The following COP1 variants were observed in gnomAD, a reference collection of about 807,000 sequenced individuals.
COP1 encodes the protein E3 ubiquitin-protein ligase COP1.
In COP1, 24 loss-of-function variants were observed where a neutral mutation model predicts 101.3. The observed-to-expected ratio is 0.24, with a 90% CI of 0.17 to 0.33. The LOEUF is 0.33. COP1 is among the 10% of genes least tolerant of loss of function. The pLI is 1.00. For missense variants in COP1, 663 were observed against 906.2 expected (o/e 0.73, Z 3.45); for synonymous variants, 347 against 341.9 (o/e 1.01, Z -0.17).
Position 176,043,723 on chromosome 1 carries a change from G to T in COP1, c.1517C>A (p.Ser506Ter). ...ILWDGFTGQR[S>*]KVYQEHEKRC... is the part of the protein sequence containing the mutation. ...ACCCTTATTTACCTGATAGACCTTT[G>T]ACCTCTGTCCTGTGAATCCATCCCA... The change falls in exon 13 of 20, where the codon TCA becomes TAA. Residue 506 changes from serine (S) to a stop codon, truncating the protein, a stop_gained. Transcript: ENST00000367669. LOFTEE classifies it high-confidence loss of function. 6.3e-7 allele frequency: 1 copy of T among 1,588,768 alleles called. No individual in the cohort carries two copies. The highest frequency in any genetic ancestry group is 1.1e-5 in the South Asian group (1 of 90,482).
chr1:176,119,069 A>T lies in COP1; in HGVS notation c.969-2388T>A, dbSNP rs1686676195. Among the ~76,000 whole-genome samples, 2 of 152,234 alleles carry T rather than the reference A, an allele frequency of 1.3e-5. 1 individual carries two copies. The highest frequency in any genetic ancestry group is 4.1e-4 in the South Asian group (2 of 4,834). On this transcript the variant is annotated intron_variant, in intron 8 of 19. Coordinates refer to ENST00000367669, the MANE Select transcript of COP1 (RefSeq NM_022457.7). ...GAACTTAACCATATAAAGAATTCAA[A>T]TGTTCTTGTCATGAGTTTATTCTGA...
chr1:176,126,583 A>C (rs1162199512), intron 8 of COP1, among the ~76,000 whole-genome samples: 1 of 151,964 alleles, frequency 6.6e-6, no homozygotes, highest in Non-Finnish European at 1.5e-5. Flanking sequence ...CAGCCTCCCG[A>C]GTAGCTGGGA....
intron 6 of COP1, among the ~76,000 whole-genome samples, chr1:176,141,536 C>T (rs1028140556): frequency 8.6e-5 from 13 of 151,840 alleles, no homozygotes; most frequent in African/African-American, 2.9e-4. Flanking sequence ...AGCAGCAAAA[C>T]TTAATATATG....
chr1:176,089,327 A>AAC (rs1558085392), intron 9 of COP1, among the ~76,000 whole-genome samples: 1 of 151,760 alleles, frequency 6.6e-6, no homozygotes, highest in African/African-American at 2.4e-5. Flanking sequence ...CAACAACAAC[A>AAC]ATCTATTTAA....
In COP1 at chr1:176,007,022, G is replaced by A. The variant is rs61357492; in HGVS notation, c.1730-17543C>T. ...AGATTTGGTCTTTTCACATAGTCCC[G>A]TATTTCTTGGAGGCTTTGCTCATTT... On this transcript the variant is annotated intron_variant, in intron 15 of 19. Transcript: ENST00000367669. Among the ~76,000 whole-genome samples the A allele has an allele frequency of 8.4e-3, 1,282 of 151,968 alleles. 28 individuals carry two copies. Among genetic ancestry groups the A allele is most frequent in the African/African-American group, 0.029 (1,200 of 41,346 alleles).
chr1:176,056,328 T>C lies in COP1; in HGVS notation c.1278-10004A>G, dbSNP rs1306903391. On this transcript the variant is annotated intron_variant, in intron 11 of 19. Coordinates refer to ENST00000367669, the MANE Select transcript of COP1 (RefSeq NM_022457.7). ...GTTATTTAGGGCTTCTACAGTTTTA[T>C]TAACATTTATTTTTTGTGCACTTAA... 3.3e-5 allele frequency among the ~76,000 whole-genome samples: 5 copies of C among 152,342 alleles called. No individual in the cohort carries two copies. The South Asian group carries it at 6.2e-4, about 19-fold the overall frequency.
intron 1 of COP1, among the ~76,000 whole-genome samples, chr1:176,190,973 T>C (rs886480207): frequency 6.6e-6 from 1 of 151,986 alleles, no homozygotes; most frequent in Non-Finnish European, 1.5e-5. Flanking sequence ...TCTAGAGTCA[T>C]TTAGAAAAAC....
chr1:176,095,050 A>G (rs2502832), intron 9 of COP1, among the ~76,000 whole-genome samples: 114,835 of 152,094 alleles, frequency 0.76, 45,141 homozygotes, highest in East Asian at 0.92. Flanking sequence ...TGTCTGTATG[A>G]TTGACTGAAA....
At chr1:176,163,373 A>C (rs939656278) in intron 4 of COP1, among the ~76,000 whole-genome samples, 8 of 152,134 alleles carry the variant, frequency 5.3e-5, no homozygotes, top group African/African-American at 1.7e-4. Context: ...AATCTTTCAA[A>C]GGTTTGTTTT....
chr1:176,130,155 C>T (rs1190238664), intron 8 of COP1, among the ~76,000 whole-genome samples: 3 of 151,550 alleles, frequency 2.0e-5, no homozygotes, highest in Non-Finnish European at 4.4e-5. Context: ...TCAGCATTGT[C>T]CTATTTGCCA....
intron 1 of COP1, among the ~76,000 whole-genome samples, chr1:176,203,108 C>A (rs1188325424): frequency 6.6e-6 from 1 of 151,750 alleles, no homozygotes; most frequent in Non-Finnish European, 1.5e-5. Context: ...GAGGCAGAGG[C>A]GGGCGGATCA....
rs184193942 is a variant in COP1 at position 176,106,512 on chromosome 1, A to T, written c.1026+10112T>A. 1.3e-3 allele frequency among the ~76,000 whole-genome samples: 199 copies of T among 152,322 alleles called. 2 individuals carry two copies. The highest frequency in any genetic ancestry group is 4.5e-3 in the African/African-American group (185 of 41,568). On this transcript the variant is annotated intron_variant, in intron 9 of 19. Coordinates refer to ENST00000367669, the MANE Select transcript of COP1 (RefSeq NM_022457.7). The stretch of plus-strand genomic sequence containing the variant: ...TGACCTTCCCTAAACTGCTCTTAAG[A>T]TCAGTGCTTGAGATATTTTGCAGAC...
intron 8 of COP1, among the ~76,000 whole-genome samples, chr1:176,130,714 T>C (rs1688742260): frequency 6.6e-6 from 1 of 151,756 alleles, no homozygotes; most frequent in Non-Finnish European, 1.5e-5. Context: ...GTTAGGTAAA[T>C]ATTTACTCAA....
intron 11 of COP1, among the ~76,000 whole-genome samples, chr1:176,062,554 A>AC (rs1289818480): frequency 6.6e-6 from 1 of 152,234 alleles, no homozygotes; most frequent in Non-Finnish European, 1.5e-5. Context: ...AAACAATCCA[A>AC]CCACTTTAAA....
In COP1 at chr1:176,011,023, T is replaced by C. The variant is rs796469167; in HGVS notation, c.1729+16549A>G. ...GTGAGGAACAGTGAAAAGAGAACTT[T>C]AATCTTTCTTAATATTCCCCTTTAA... On this transcript the variant is annotated intron_variant, in intron 15 of 19. Coordinates refer to ENST00000367669, the MANE Select transcript of COP1 (RefSeq NM_022457.7). Among the ~76,000 whole-genome samples, 13 of 152,318 alleles carry C rather than the reference T, an allele frequency of 8.5e-5. 1 individual carries two copies. Among genetic ancestry groups the C allele is most frequent in the African/African-American group, 2.9e-4 (12 of 41,582 alleles).
intron 8 of COP1, among the ~76,000 whole-genome samples, chr1:176,128,778 T>C (rs1036767121): frequency 3.0e-4 from 45 of 151,658 alleles, no homozygotes; most frequent in Non-Finnish European, 4.4e-5. Flanking sequence ...TTTCCTGCAT[T>C]AAAAAAAATT....
At chr1:176,180,010 C>A (rs1558270011) in intron 2 of COP1, among the ~76,000 whole-genome samples, 1 of 152,084 alleles carries the variant, frequency 6.6e-6, no homozygotes, top group African/African-American at 2.4e-5. Context: ...ACTTAAGTGA[C>A]AACAGGATGC....
chr1:176,108,202 A>G (rs1047764417), intron 9 of COP1, among the ~76,000 whole-genome samples: 2 of 152,222 alleles, frequency 1.3e-5, no homozygotes, highest in Non-Finnish European at 2.9e-5. Context: ...AGGCAATTAC[A>G]AAAGTTCAGA....
At chr1:176,145,473 C>T (rs935164988) in intron 6 of COP1, among the ~76,000 whole-genome samples, 2 of 152,146 alleles carry the variant, frequency 1.3e-5, no homozygotes, top group South Asian at 2.1e-4. Context: ...TGAAGATACA[C>T]ATATCCTATG....
Sources: allele counts gnomAD v4.1 joint callset (sites outside exome capture counted in the v4.1 genomes callset), GRCh38; gene constraint gnomAD v4.1.1; transcripts MANE v1.5; gene names NCBI Gene and HGNC (gene_info 2026-07-23, HGNC 2026-07-21).